The following ATF7IP variants were observed in gnomAD, a reference collection of about 807,000 sequenced individuals.
ATF7IP encodes activating transcription factor 7 interacting protein.
A neutral mutation model predicts 106.4 loss-of-function variants in ATF7IP; 23 were observed. The observed-to-expected ratio is 0.22, with a 90% CI of 0.16 to 0.31. The LOEUF is 0.31. Among genes scored for constraint, ATF7IP ranks in the 10% least tolerant of loss-of-function variants. ATF7IP has a pLI of 1.00. For missense variants in ATF7IP, 1,334 were observed against 1,524.3 expected, an observed-to-expected ratio of 0.88 and a Z score of 2.08; for synonymous variants, 542 against 539.0, an observed-to-expected ratio of 1.01 and a Z score of -0.08.
chr12:14,420,305 G>A (rs1471849990), intron 1 of ATF7IP: 4 of 152,066 alleles, frequency 2.6e-5, no homozygotes, highest in Non-Finnish European at 5.9e-5. Context: ...TATATAGGGA[G>A]GACAGACTAT....
At chr12:14,372,757 A>T (rs941409359) in intron 1 of ATF7IP, among the ~76,000 whole-genome samples, 6 of 152,064 alleles carry the variant, frequency 3.9e-5, no homozygotes, top group Non-Finnish European at 7.4e-5. Context: ...ACTATATATG[A>T]TCCGTTCTCC....
intron 1 of ATF7IP, chr12:14,416,809 G>T (rs752864883): frequency 8.4e-6 from 5 of 597,718 alleles, no homozygotes; most frequent in Non-Finnish European, 1.1e-5. Flanking sequence ...ATTGGTTTTA[G>T]ACTATTTCGG....
chr12:14,431,677 AGCC>A (rs1406161486), intron 2 of ATF7IP, among the ~76,000 whole-genome samples: 1 of 152,098 alleles, frequency 6.6e-6, no homozygotes, highest in African/African-American at 2.4e-5. Flanking sequence ...TATAGGTGTG[AGCC>A]ACCACACCCG....
chr12:14,497,503 A>G, intron 14 of ATF7IP, 151 bp from the exon 15 acceptor site: 1 of 809,300 alleles, frequency 1.2e-6, no homozygotes, highest in Non-Finnish European at 1.9e-6. Context: ...CCCAAATAGA[A>G]CTTGCCAAAT....
At chr12:14,444,385 T>G (rs1334448015) in intron 5 of ATF7IP, among the ~76,000 whole-genome samples, 3 of 152,170 alleles carry the variant, frequency 2.0e-5, no homozygotes, top group Non-Finnish European at 4.4e-5. Context: ...AAACCTCTTT[T>G]TTTTTGTAGA....
chr12:14,385,356 C>G, intron 1 of ATF7IP: 1 of 1,532,242 alleles, frequency 6.5e-7, no homozygotes, highest in Non-Finnish European at 8.7e-7. Flanking sequence ...GCTTAGGCAG[C>G]AAGTATGTCA....
chr12:14,435,432 G>T (rs189131151), intron 3 of ATF7IP, among the ~76,000 whole-genome samples: 2 of 152,178 alleles, frequency 1.3e-5, no homozygotes, highest in Non-Finnish European at 2.9e-5. Flanking sequence ...AAAGTGTGAA[G>T]ATATTAGTGT....
chr12:14,437,988 G>C lies in ATF7IP; in HGVS notation c.1792-142G>C, dbSNP rs575017520. 31 of 652,146 alleles carry C rather than the reference G, an allele frequency of 4.8e-5. No homozygotes were observed. In the South Asian group the frequency reaches 7.2e-4, roughly 15 times the overall value. The allele number at this position is 652,146 out of a possible 1,614,324, so 40.4% of individuals were successfully genotyped here. Reference sequence around the variant, plus strand: ...GAATGGCGTGAACCCGGGAGGCGGAGCTTGCAGTGAGCCGAGATCCTGCCA... The same window carrying C: ...GAATGGCGTGAACCCGGGAGGCGGACCTTGCAGTGAGCCGAGATCCTGCCA... On this transcript the variant is annotated intron_variant, in intron 4 of 14. Coordinates refer to ENST00000261168, the MANE Select transcript of ATF7IP (RefSeq NM_018179.5).
chr12:14,365,689 C>A lies in ATF7IP; in HGVS notation c.-146C>A. On this transcript the variant is annotated 5_prime_UTR_variant, in exon 1 of 15. Coordinates refer to ENST00000261168, the MANE Select transcript of ATF7IP (RefSeq NM_018179.5). ...AGAAGCGGGTTTGTTTTTGAATCTG[C>A]GGAGGCGGCGGCGGTGGCAGCGGCG... 1 of 157,148 alleles carries A rather than the reference C, an allele frequency of 6.4e-6. No individual in the cohort carries two copies. The highest frequency in any genetic ancestry group is 1.4e-5 in the Non-Finnish European group (1 of 70,666). The allele number at this position is 157,148 out of a possible 1,614,324, so 9.7% of individuals were successfully genotyped here.
intron 1 of ATF7IP, chr12:14,417,059 T>A (rs1167938670): frequency 2.2e-6 from 1 of 457,754 alleles, no homozygotes; most frequent in East Asian, 1.5e-4. Flanking sequence ...GAGAAAAAAA[T>A]TCTGATAACA....
chr12:14,399,577 G>A (rs905403256), intron 1 of ATF7IP, among the ~76,000 whole-genome samples: 28 of 151,238 alleles, frequency 1.9e-4, no homozygotes, highest in African/African-American at 5.8e-4. Flanking sequence ...CAGCTTTGCT[G>A]ATTTTTTTTA....
At chr12:14,438,678 C>G (rs1014845358) in intron 5 of ATF7IP, among the ~76,000 whole-genome samples, 1 of 152,102 alleles carries the variant, frequency 6.6e-6, no homozygotes, top group Non-Finnish European at 1.5e-5. Context: ...TAAATTTCCC[C>G]TTTTTACAAG....
At chr12:14,422,653 A>G (rs1941597330) in intron 1 of ATF7IP, among the ~76,000 whole-genome samples, 1 of 152,188 alleles carries the variant, frequency 6.6e-6, no homozygotes, top group Non-Finnish European at 1.5e-5. Context: ...ATCATTCAGT[A>G]TGTGGCCTTT....
At chr12:14,417,027 A>G in intron 1 of ATF7IP, 1 of 794,468 alleles carries the variant, frequency 1.3e-6, no homozygotes, top group Non-Finnish European at 1.5e-6. Context: ...GTTATTAAGA[A>G]CACCTAATAA....
intron 1 of ATF7IP, among the ~76,000 whole-genome samples, chr12:14,371,845 A>G (rs953678840): frequency 2.0e-5 from 3 of 152,120 alleles, no homozygotes; most frequent in Non-Finnish European, 2.9e-5. Context: ...TTTGAGGCCT[A>G]TGGAAAATTT....
chr12:14,453,711 G>A (rs527355748), intron 6 of ATF7IP, among the ~76,000 whole-genome samples: 3 of 151,416 alleles, frequency 2.0e-5, no homozygotes, highest in East Asian at 1.9e-4. Context: ...TGCAACCTCC[G>A]CCTCCTGGGT....
At chr12:14,473,242 T>C (rs1944120880) in intron 10 of ATF7IP, among the ~76,000 whole-genome samples, 1 of 151,826 alleles carries the variant, frequency 6.6e-6, no homozygotes, top group Non-Finnish European at 1.5e-5. Context: ...TTTAAAGCAT[T>C]CTGTCTTAAT....
rs1160899291 is a variant in ATF7IP, at chr12:14,377,603, GC to G, written c.-8+11779del. Among the ~76,000 whole-genome samples the G allele has an allele frequency of 4.6e-5, 7 of 150,926 alleles. No individual in the cohort carries two copies. The South Asian group carries it at 1.3e-3, about 27-fold the overall frequency. ...ATCTCCTGACCTCGTGAGCCACCGC[GC>G]CCGGCCTTTCTTTCTTTCTTTTTTT... On this transcript the variant is annotated intron_variant, in intron 1 of 14. Transcript: ENST00000261168.
chr12:14,489,386 A>G (rs1944732958), intron 13 of ATF7IP, among the ~76,000 whole-genome samples: 1 of 152,152 alleles, frequency 6.6e-6, no homozygotes, highest in Admixed American at 6.5e-5. Context: ...TTCCAGTTTA[A>G]TGGAATCATT....
Sources: gnomAD v4.1 joint callset for allele counts (sites outside exome capture counted in the v4.1 genomes callset) on GRCh38, gnomAD v4.1.1 for gene constraint, MANE v1.5 for transcripts, NCBI Gene and HGNC (gene_info 2026-07-23, HGNC 2026-07-21) for gene names.